Variants in CCL28 observed in about 807,000 individuals in gnomAD.
CCL28 encodes C-C motif chemokine ligand 28, also known as C-C motif chemokine 28.
CCL28 carries 4 observed loss-of-function variants against 7.1 expected under a neutral mutation model. That is an observed-to-expected ratio of 0.56 (90% confidence interval 0.28 to 1.29). The LOEUF (loss-of-function observed/expected upper bound fraction) is 1.29. Among genes scored for constraint, CCL28 ranks in the 50% most tolerant of loss-of-function variants. The pLI is 0.11. For synonymous variants in CCL28, 55 were observed against 57.8 expected (o/e 0.95, Z 0.22); for missense variants, 151 against 163.4 (o/e 0.92, Z 0.41).
At chr5:43,388,214 A>G in intron 2 of CCL28, 136 bp downstream of exon 2, 1 of 1,139,254 alleles carries the variant, frequency 8.8e-7, no homozygotes, top group Non-Finnish European at 1.2e-6. Context: ...TAATGGACAG[A>G]ATATTTACTC....
downstream of CCL28, among the ~76,000 whole-genome samples, chr5:43,371,652 C>G (rs1019160939): frequency 6.6e-6 from 1 of 152,194 alleles, no homozygotes; most frequent in East Asian, 1.9e-4. Flanking sequence ...GCCTGCTGCC[C>G]CTGCAGACAT....
At chr5:43,370,390 T>C in the CCL28 span, among the ~76,000 whole-genome samples, 1 of 152,238 alleles carries the variant, frequency 6.6e-6, no homozygotes. Flanking sequence ...GCACAGACAA[T>C]CTGTTGTCTC....
chr5:43,377,841 T>G (rs1157257721), downstream of CCL28, among the ~76,000 whole-genome samples: 1 of 141,322 alleles, frequency 7.1e-6, no homozygotes, highest in African/African-American at 2.6e-5. Context: ...CACGCCATTC[T>G]CCTGCCTCAG....
the CCL28 span, among the ~76,000 whole-genome samples, chr5:43,369,053 AG>A: frequency 2.8e-5 from 1 of 35,260 alleles, no homozygotes; most frequent in Non-Finnish European, 6.0e-5. Flanking sequence ...AGAGAGAGAG[AG>A]AGAGAGAGAG....
chr5:43,359,787 AT>A, the CCL28 span, among the ~76,000 whole-genome samples: 1 of 152,106 alleles, frequency 6.6e-6, no homozygotes, highest in East Asian at 1.9e-4. Flanking sequence ...GTCTTTTGAG[AT>A]TTTTTTCAGA....
intron 1 of CCL28, among the ~76,000 whole-genome samples, chr5:43,400,893 C>G (rs1289442588): frequency 6.6e-6 from 1 of 151,914 alleles, no homozygotes; most frequent in Non-Finnish European, 1.5e-5. Context: ...GACAGCCTGA[C>G]TAACATGGTG....
downstream of CCL28, among the ~76,000 whole-genome samples, chr5:43,376,226 A>C (rs1253313949): frequency 6.6e-6 from 1 of 152,186 alleles, no homozygotes; most frequent in African/African-American, 2.4e-5. Context: ...TTCCGACTAC[A>C]TTGGTTTTCA....
At chr5:43,357,378 T>C in the CCL28 span, among the ~76,000 whole-genome samples, 4 of 152,220 alleles carry the variant, frequency 2.6e-5, no homozygotes, top group Non-Finnish European at 5.9e-5. Context: ...TGATTCAGTA[T>C]ACAGCAGACC....
At chr5:43,359,213 A>G in the CCL28 span, among the ~76,000 whole-genome samples, 1 of 152,228 alleles carries the variant, frequency 6.6e-6, no homozygotes, top group Non-Finnish European at 1.5e-5. Flanking sequence ...AATATAGTAC[A>G]GAGTCAGAAT....
chr5:43,377,677 G>C (rs1226116334), downstream of CCL28, among the ~76,000 whole-genome samples: 1 of 114,986 alleles, frequency 8.7e-6, no homozygotes, highest in African/African-American at 3.5e-5. Flanking sequence ...TACTTTAAGC[G>C]TTTCATTTGA....
At chr5:43,382,308 G>A (rs1740149832) in intron 2 of CCL28, among the ~76,000 whole-genome samples, 1 of 152,042 alleles carries the variant, frequency 6.6e-6, no homozygotes, top group African/African-American at 2.4e-5. Flanking sequence ...AGAAGGAGAA[G>A]AAGGAATTGG....
intron 1 of CCL28, among the ~76,000 whole-genome samples, chr5:43,406,085 CCAT>C (rs1741264658): frequency 6.6e-6 from 1 of 152,086 alleles, no homozygotes; most frequent in Admixed American, 6.5e-5. Context: ...GGAGCTGGTA[CCAT>C]TCCTTCTAAA....
the CCL28 span, among the ~76,000 whole-genome samples, chr5:43,364,517 C>G: frequency 6.6e-6 from 1 of 151,894 alleles, no homozygotes; most frequent in Non-Finnish European, 1.5e-5. Flanking sequence ...TTAAAAATAT[C>G]AATTTGTACA....
chr5:43,403,812 T>C (rs1212106480), intron 1 of CCL28, among the ~76,000 whole-genome samples: 1 of 152,116 alleles, frequency 6.6e-6, no homozygotes, highest in East Asian at 1.9e-4. Flanking sequence ...GAGAAGTCCT[T>C]AAAGGACCTG....
intron 1 of CCL28, among the ~76,000 whole-genome samples, chr5:43,396,060 C>T (rs995872992): frequency 8.6e-5 from 13 of 151,796 alleles, no homozygotes; most frequent in Non-Finnish European, 1.5e-5. Flanking sequence ...TTAGTAGAGA[C>T]GGGGTTTCAC....
intron 1 of CCL28, among the ~76,000 whole-genome samples, chr5:43,396,332 C>T (rs142199691): frequency 6.6e-6 from 1 of 152,138 alleles, no homozygotes; most frequent in African/African-American, 2.4e-5. Context: ...TCACTGCAAC[C>T]TGTTTTATTA....
the CCL28 span, among the ~76,000 whole-genome samples, chr5:43,363,777 G>A: frequency 1.3e-5 from 2 of 152,164 alleles, no homozygotes; most frequent in East Asian, 3.8e-4. Context: ...GCTCTCTGAT[G>A]TTACCTACAT....
chr5:43,358,493 A>G, the CCL28 span, among the ~76,000 whole-genome samples: 1 of 152,224 alleles, frequency 6.6e-6, no homozygotes, highest in Admixed American at 6.5e-5. Flanking sequence ...GTTTGTTGGA[A>G]GGTCAGATAA....
chr5:43,367,780 C>A, the CCL28 span, among the ~76,000 whole-genome samples: 4 of 152,362 alleles, frequency 2.6e-5, 1 homozygote, highest in East Asian at 7.7e-4. Context: ...ATTGATCTTG[C>A]TGGGAGCTGC....
Sources: gnomAD v4.1 joint callset for allele counts (sites outside exome capture counted in the v4.1 genomes callset) on GRCh38, gnomAD v4.1.1 for gene constraint, MANE v1.5 for transcripts, NCBI Gene and HGNC (gene_info 2026-07-23, HGNC 2026-07-21) for gene names.